R3HDM1: variants seen among roughly 807,000 people sequenced by gnomAD.
The protein encoded by R3HDM1 is R3H domain-containing protein 1.
In R3HDM1, 46 loss-of-function variants were observed where a neutral mutation model predicts 141.1. That is an observed-to-expected ratio of 0.33 (90% confidence interval 0.26 to 0.42). The LOEUF is 0.42. Among genes scored for constraint, R3HDM1 ranks in the 10% least tolerant of loss-of-function variants. The pLI, the probability that R3HDM1 is intolerant of heterozygous loss-of-function variation, is 1.00. For synonymous variants in R3HDM1, 435 were observed against 472.9 expected, an observed-to-expected ratio of 0.92 and a Z score of 1.04; for missense variants, 1,184 against 1,368.3, an observed-to-expected ratio of 0.87 and a Z score of 2.12.
chr2:135,715,054 A>G (rs945271266), intron 23 of R3HDM1, among the ~76,000 whole-genome samples: 1 of 152,240 alleles, frequency 6.6e-6, no homozygotes, highest in East Asian at 1.9e-4. Context: ...GCATGTGCAT[A>G]GAAACAATCT....
intron 21 of R3HDM1, among the ~76,000 whole-genome samples, chr2:135,702,017 G>A (rs1390578478): frequency 6.6e-6 from 1 of 152,034 alleles, no homozygotes; most frequent in South Asian, 2.1e-4. Flanking sequence ...AACCATCACC[G>A]TGGTCAATTT....
At chr2:135,566,709 G>A in intron 1 of R3HDM1, 1 of 984,138 alleles carries the variant, frequency 1.0e-6, no homozygotes, top group Non-Finnish European at 1.2e-6. Flanking sequence ...TTCAGATTAA[G>A]GTTTGTTAGT....
intron 21 of R3HDM1, among the ~76,000 whole-genome samples, chr2:135,706,397 T>G (rs1210633191): frequency 1.3e-5 from 2 of 152,014 alleles, no homozygotes; most frequent in Non-Finnish European, 2.9e-5. Flanking sequence ...TTTTGTTTTT[T>G]TTGAACATTC....
intron 15 of R3HDM1, among the ~76,000 whole-genome samples, chr2:135,643,335 T>C (rs991610983): frequency 6.6e-6 from 1 of 152,048 alleles, no homozygotes; most frequent in Non-Finnish European, 1.5e-5. Flanking sequence ...AATTTTACTT[T>C]AGAGTACTTT....
Position 135,680,269 on chromosome 2 carries a change from A to G in R3HDM1, c.2404A>G (p.Thr802Ala), listed in dbSNP as rs1304263268. The change falls in exon 21 of 27, where the codon ACA (threonine) becomes GCA (alanine). Residue 802 changes from threonine to alanine, a missense_variant. Thr to Ala is a moderately conservative substitution (Grantham distance 58, BLOSUM62 0). Transcript: ENST00000683871. ...NQSNQGSMPT[T>A]GMPVYYSVIP... is the part of the protein sequence containing the mutation. ...GTCTAATCAAGGATCTATGCCCACAACAGGAATGCCTGTTTACTATAGTGT... is the reference window on the plus strand; with the variant it reads ...GTCTAATCAAGGATCTATGCCCACAGCAGGAATGCCTGTTTACTATAGTGT... The G allele has an allele frequency of 2.8e-5, 45 of 1,614,100 alleles. No individual in the cohort carries two copies. In the East Asian group the frequency reaches 9.8e-4, roughly 35 times the overall value.
intron 15 of R3HDM1, among the ~76,000 whole-genome samples, chr2:135,644,519 A>T (rs1454219732): frequency 6.6e-6 from 1 of 152,138 alleles, no homozygotes; most frequent in Non-Finnish European, 1.5e-5. Context: ...AAAAAACAGA[A>T]AAGAGGTTGT....
At chr2:135,626,209 G>GTGCGTGCTTGCTTGCTTGCT (rs1553576639) in intron 7 of R3HDM1, among the ~76,000 whole-genome samples, 101 of 143,440 alleles carry the variant, frequency 7.0e-4, no homozygotes, top group South Asian at 6.6e-3. Flanking sequence ...GCGTGCGTGC[G>GTGCGTGCTTGCTTGCTTGCT]TGCTTGCTTG....
intron 20 of R3HDM1, among the ~76,000 whole-genome samples, chr2:135,678,679 A>G (rs1305528515): frequency 6.6e-6 from 1 of 151,896 alleles, no homozygotes; most frequent in Non-Finnish European, 1.5e-5. Flanking sequence ...TAAGTACCCA[A>G]TAATGTTAAC....
intron 3 of R3HDM1, among the ~76,000 whole-genome samples, chr2:135,615,871 A>G (rs560118195): frequency 5.9e-5 from 9 of 152,324 alleles, no homozygotes; most frequent in Admixed American, 5.9e-4. Flanking sequence ...TATAAGTTCC[A>G]TTGTACTCAA....
chr2:135,624,543 G>A (rs1485065303), intron 7 of R3HDM1, among the ~76,000 whole-genome samples: 1 of 152,182 alleles, frequency 6.6e-6, no homozygotes, highest in African/African-American at 2.4e-5. Flanking sequence ...CCCAGTGAGT[G>A]CAGAGTGCTG....
Position 135,649,890 on chromosome 2 carries a change from G to T in R3HDM1, c.1624-12G>T. 8.2e-7 allele frequency: 1 copy of T among 1,218,180 alleles called. No homozygotes were observed. The highest frequency in any genetic ancestry group is 1.5e-5 in the South Asian group (1 of 64,828). The allele number at this position is 1,218,180 out of a possible 1,614,324, so 75.5% of individuals were successfully genotyped here. On this transcript the variant is annotated splice_polypyrimidine_tract_variant and intron_variant, in intron 16 of 26. Transcript: ENST00000683871. ...TGACATTAACATTGTTTGCCAACCT[G>T]TTATTCTTTAGCCTGTTCATCCTCT...
chr2:135,717,509 C>T (rs2076288120), intron 24 of R3HDM1, among the ~76,000 whole-genome samples: 1 of 151,992 alleles, frequency 6.6e-6, no homozygotes, highest in African/African-American at 2.4e-5. Context: ...GAATGTTCTC[C>T]CTTGAAAGTG....
chr2:135,629,765 C>T (rs1472024792), intron 7 of R3HDM1, among the ~76,000 whole-genome samples: 3 of 152,036 alleles, frequency 2.0e-5, no homozygotes, highest in African/African-American at 7.3e-5. Context: ...CTCATGCCTG[C>T]CTTGTACATA....
chr2:135,533,230 C>G (rs1695317701), intron 1 of R3HDM1, among the ~76,000 whole-genome samples: 2 of 152,064 alleles, frequency 1.3e-5, no homozygotes, highest in South Asian at 2.1e-4. Context: ...ATCACTTGAG[C>G]CCAGGAGTTC....
intron 18 of R3HDM1, among the ~76,000 whole-genome samples, chr2:135,660,919 A>T (rs1559371260): frequency 6.6e-6 from 1 of 151,914 alleles, no homozygotes; most frequent in Non-Finnish European, 1.5e-5. Context: ...ATAGATATAT[A>T]CTGTATAGTA....
chr2:135,542,968 C>T (rs1414455705), intron 1 of R3HDM1, among the ~76,000 whole-genome samples: 2 of 152,146 alleles, frequency 1.3e-5, no homozygotes, highest in African/African-American at 2.4e-5. Flanking sequence ...AGCTCCTGAC[C>T]TCAAGTGATC....
At chr2:135,611,857 T>C (rs552704894) in intron 3 of R3HDM1, among the ~76,000 whole-genome samples, 1 of 152,350 alleles carries the variant, frequency 6.6e-6, no homozygotes, top group East Asian at 1.9e-4. Flanking sequence ...CTACATCTTG[T>C]AGATGTAGAA....
intron 1 of R3HDM1, among the ~76,000 whole-genome samples, chr2:135,589,836 TG>T: frequency 6.6e-6 from 1 of 151,988 alleles, no homozygotes. Context: ...TATGCAAATC[TG>T]TTACATTATA....
chr2:135,715,787 A>C, intron 24 of R3HDM1, 93 bp downstream of exon 24: 1 of 1,454,582 alleles, frequency 6.9e-7, no homozygotes, highest in South Asian at 1.3e-5. Context: ...TTGCCTTTCT[A>C]TTTTCCATAG....
Sources: allele counts gnomAD v4.1 joint callset (sites outside exome capture counted in the v4.1 genomes callset), GRCh38; gene constraint gnomAD v4.1.1; transcripts MANE v1.5; gene names NCBI Gene and HGNC (gene_info 2026-07-23, HGNC 2026-07-21).